Variants in TBC1D1 observed in about 807,000 individuals in gnomAD.
The protein encoded by TBC1D1 is TBC1 (tre-2/USP6, BUB2, cdc16) domain family, member 1.
In TBC1D1, 89 loss-of-function variants were observed where a neutral mutation model predicts 125.6. That is an observed-to-expected ratio of 0.71 (90% CI 0.60 to 0.85). TBC1D1 has a LOEUF of 0.85. TBC1D1 is among the 40% of genes least tolerant of loss of function. The pLI, the probability that TBC1D1 is intolerant of heterozygous loss-of-function variation, is 0.00. For synonymous variants in TBC1D1, 565 were observed against 564.1 expected, an observed-to-expected ratio of 1.00 and a Z score of -0.02; for missense variants, 1,377 against 1,469.2, an observed-to-expected ratio of 0.94 and a Z score of 1.03.
At chr4:37,936,517 G>T (rs1415047351) in intron 2 of TBC1D1, among the ~76,000 whole-genome samples, 2 of 152,150 alleles carry the variant, frequency 1.3e-5, no homozygotes, top group Admixed American at 1.3e-4. Context: ...AATAGTCTAG[G>T]GGCTATTGGA....
Position 38,014,867 on chromosome 4 carries a change from GCTT to G in TBC1D1, c.781_783del (p.Phe261del), listed in dbSNP as rs1560621792. 2 of 1,611,272 alleles carry G rather than the reference GCTT, an allele frequency of 1.2e-6. No homozygotes were observed. Among genetic ancestry groups the G allele is most frequent in the South Asian group, 1.1e-5 (1 of 90,988 alleles). ...CAGGATGGGGGCCTCCGAAGCAGCGGCTTCTTCAGCTCCTTCGAGGAGAGCGAC... is the reference window on the plus strand; with the variant it reads ...CAGGATGGGGGCCTCCGAAGCAGCGGCTTCAGCTCCTTCGAGGAGAGCGAC... On this transcript the variant is annotated inframe_deletion, in exon 3 of 20. Coordinates refer to ENST00000261439, the MANE Select transcript of TBC1D1 (RefSeq NM_015173.4). The surrounding 1 kb of genome is among the most constrained non-coding windows in gnomAD (Gnocchi z 5.1).
At chr4:38,078,703 T>C (rs1462525376) in intron 12 of TBC1D1, among the ~76,000 whole-genome samples, 1 of 152,198 alleles carries the variant, frequency 6.6e-6, no homozygotes, top group Non-Finnish European at 1.5e-5. Context: ...ACACTTGTAC[T>C]GCCACCCTGA....
chr4:37,912,067 T>C (rs1182331074), intron 2 of TBC1D1, among the ~76,000 whole-genome samples: 2 of 152,218 alleles, frequency 1.3e-5, no homozygotes, highest in Admixed American at 1.3e-4. Context: ...CTCAGGACTT[T>C]CGCAAGTCAT....
intron 2 of TBC1D1, among the ~76,000 whole-genome samples, chr4:37,941,391 G>T (rs1725532771): frequency 1.3e-5 from 2 of 151,962 alleles, no homozygotes; most frequent in Non-Finnish European, 2.9e-5. Flanking sequence ...ATTTTTTATT[G>T]CATCTATTTG....
At chr4:38,030,190 C>T (rs1440411386) in intron 7 of TBC1D1, among the ~76,000 whole-genome samples, 1 of 152,244 alleles carries the variant, frequency 6.6e-6, no homozygotes, top group Admixed American at 6.5e-5. Flanking sequence ...ACAAAATATT[C>T]TTCCGCAGCA....
intron 16 of TBC1D1, among the ~76,000 whole-genome samples, chr4:38,117,341 C>T (rs1001771376): frequency 6.6e-6 from 1 of 152,058 alleles, no homozygotes; most frequent in African/African-American, 2.4e-5. Flanking sequence ...GCTCTCGGGC[C>T]TCTGTGAGCC....
chr4:37,977,076 G>A lies in TBC1D1; in HGVS notation c.418-37433G>A, dbSNP rs1578122617. On this transcript the variant is annotated intron_variant, in intron 2 of 19. Coordinates refer to ENST00000261439, the MANE Select transcript of TBC1D1 (RefSeq NM_015173.4). This position sits in a 1 kb window ranked among gnomAD's most constrained non-coding sequence, Gnocchi z 4.3. Reference sequence around the variant, plus strand: ...GGGAGGAATTCTTAGATTTCTGAAAGTTGTGCGAAACGGACCCCAGAGGCC... The same window carrying A: ...GGGAGGAATTCTTAGATTTCTGAAAATTGTGCGAAACGGACCCCAGAGGCC... 6.6e-6 allele frequency among the ~76,000 whole-genome samples: 1 copy of A among 152,208 alleles called. No homozygotes were observed. Among genetic ancestry groups the A allele is most frequent in the Non-Finnish European group, 1.5e-5 (1 of 68,036 alleles).
At chr4:38,114,501 T>C (rs1762648128) in intron 15 of TBC1D1, among the ~76,000 whole-genome samples, 1 of 152,214 alleles carries the variant, frequency 6.6e-6, no homozygotes, top group East Asian at 1.9e-4. Context: ...GTGGCCTAGA[T>C]CCACCTTTTG....
At chr4:38,122,666 C>G (rs1764045820) in intron 17 of TBC1D1, among the ~76,000 whole-genome samples, 1 of 152,188 alleles carries the variant, frequency 6.6e-6, no homozygotes, top group African/African-American at 2.4e-5. Flanking sequence ...TTGCTCATGG[C>G]TTAATCTCCA....
rs147432020 is a variant in TBC1D1, at chr4:37,898,321, G to T, written c.-93-3682G>T. ...AACACCTTGGAAAAAAGAGGTGGTAGTTGCTTGAGGTAGGACTTAAGTACT... is the reference window on the plus strand; with the variant it reads ...AACACCTTGGAAAAAAGAGGTGGTATTTGCTTGAGGTAGGACTTAAGTACT... On this transcript the variant is annotated intron_variant, in intron 1 of 19. Transcript: ENST00000261439. Among the ~76,000 whole-genome samples, 108 of 151,774 alleles carry T rather than the reference G, an allele frequency of 7.1e-4. 1 individual carries two copies. In the East Asian group the frequency reaches 0.019, roughly 27 times the overall value.
At chr4:38,076,340 C>G (rs2152518415) in intron 12 of TBC1D1, among the ~76,000 whole-genome samples, 1 of 152,298 alleles carries the variant, frequency 6.6e-6, no homozygotes, top group South Asian at 2.1e-4. Flanking sequence ...TGGTCCCTCC[C>G]ATGACATGGG....
intron 15 of TBC1D1, among the ~76,000 whole-genome samples, chr4:38,114,135 T>G (rs1157041576): frequency 6.6e-6 from 1 of 151,130 alleles, no homozygotes; most frequent in Non-Finnish European, 1.5e-5. Flanking sequence ...AGCGCTGGAG[T>G]GGAAGATAAA....
chr4:38,033,655 C>T (rs528449006), intron 7 of TBC1D1, among the ~76,000 whole-genome samples: 1 of 152,226 alleles, frequency 6.6e-6, no homozygotes, highest in Admixed American at 6.5e-5. Flanking sequence ...CCCATCATTA[C>T]GGTATCATAC....
intron 2 of TBC1D1, among the ~76,000 whole-genome samples, chr4:37,949,016 G>A (rs376871933): frequency 7.9e-5 from 12 of 152,080 alleles, no homozygotes; most frequent in East Asian, 1.9e-4. Flanking sequence ...TTATCCAATC[G>A]TCAGTTGATG....
intron 2 of TBC1D1, among the ~76,000 whole-genome samples, chr4:38,002,570 T>C (rs1739283555): frequency 6.6e-6 from 1 of 152,240 alleles, no homozygotes; most frequent in Non-Finnish European, 1.5e-5. Flanking sequence ...TGCATTGCAA[T>C]CATTTATACA....
At chr4:38,078,055 G>A (rs974396357) in intron 12 of TBC1D1, among the ~76,000 whole-genome samples, 36 of 152,178 alleles carry the variant, frequency 2.4e-4, no homozygotes, top group African/African-American at 8.7e-4. Context: ...CAGCAAAGAT[G>A]AAAGGTGCCG....
At position 38,042,658 on chromosome 4, in the gene TBC1D1, G is replaced by C. The variant is rs182765158; in HGVS notation, c.1414-1704G>C. On this transcript the variant is annotated intron_variant, in intron 8 of 19. Transcript: ENST00000261439. ...CAGGCTGCAGGTAGAGGACCTGAAA[G>C]GGACAGGAGGTAACAGTCTGGCCAA... is the stretch of plus-strand genomic sequence containing the variant. 2.3e-3 allele frequency among the ~76,000 whole-genome samples: 350 copies of C among 152,316 alleles called. 2 individuals are homozygous for C. Among genetic ancestry groups the C allele is most frequent in the African/African-American group, 7.1e-3 (294 of 41,574 alleles).
chr4:37,932,693 A>G (rs1723514620), intron 2 of TBC1D1, among the ~76,000 whole-genome samples: 1 of 152,172 alleles, frequency 6.6e-6, no homozygotes, highest in African/African-American at 2.4e-5. Flanking sequence ...TGGGACTAGA[A>G]CCCAGTGCTC....
chr4:37,957,515 A>G (rs1472738946), intron 2 of TBC1D1, among the ~76,000 whole-genome samples: 2 of 152,232 alleles, frequency 1.3e-5, no homozygotes. Flanking sequence ...GGTACTCAGG[A>G]GGCTGAGGCA....
Sources: gnomAD v4.1 joint callset for allele counts (sites outside exome capture counted in the v4.1 genomes callset) on GRCh38, gnomAD v4.1.1 for gene constraint, Gnocchi (gnomAD v3.1) non-coding constraint, MANE v1.5 for transcripts, NCBI Gene and HGNC (gene_info 2026-07-23, HGNC 2026-07-21) for gene names.